NTN4: variants seen among roughly 807,000 people sequenced by gnomAD.
The protein encoded by NTN4 is netrin 4, also known as netrin-4.
A neutral mutation model predicts 73.6 loss-of-function variants in NTN4; 32 were observed. The ratio of observed to expected loss-of-function variants is 0.44; its 90% CI spans 0.33 to 0.58. NTN4 has a LOEUF of 0.58. Among genes scored for constraint, NTN4 ranks in the 20% least tolerant of loss-of-function variants. The pLI is 0.04. For missense variants in NTN4, 654 were observed against 798.3 expected, an observed-to-expected ratio of 0.82 and a Z score of 2.18; for synonymous variants, 258 against 287.5, an observed-to-expected ratio of 0.90 and a Z score of 1.04.
chr12:95,773,463 CT>C (rs2079071566), intron 2 of NTN4, among the ~76,000 whole-genome samples: 1 of 152,194 alleles, frequency 6.6e-6, no homozygotes, highest in East Asian at 1.9e-4. Context: ...CTGGGCACCT[CT>C]TTTTGAGGGC....
chr12:95,694,612 T>G (rs1237009945), intron 5 of NTN4, among the ~76,000 whole-genome samples: 1 of 152,192 alleles, frequency 6.6e-6, no homozygotes, highest in Admixed American at 6.5e-5. Context: ...TTTTTCTTTT[T>G]GGCACTGTTT....
At chr12:95,674,019 T>C (rs2078254386) in intron 7 of NTN4, 1 of 152,228 alleles carries the variant, frequency 6.6e-6, no homozygotes, top group South Asian at 2.1e-4. Context: ...TGTGGTAGTA[T>C]GTGCCTGTAG....
chr12:95,707,957 C>T (rs963105892), intron 5 of NTN4, among the ~76,000 whole-genome samples: 4 of 152,078 alleles, frequency 2.6e-5, no homozygotes, highest in Admixed American at 6.6e-5. Flanking sequence ...TGGTCTGAGG[C>T]TATGGGATAC....
At chr12:95,735,026 C>T (rs192869047) in intron 3 of NTN4, among the ~76,000 whole-genome samples, 2 of 152,132 alleles carry the variant, frequency 1.3e-5, no homozygotes, top group African/African-American at 4.8e-5. Context: ...GCAACAAGAG[C>T]GAAACTCCAT....
At chr12:95,768,070 T>G (rs1467847700) in intron 2 of NTN4, among the ~76,000 whole-genome samples, 1 of 152,208 alleles carries the variant, frequency 6.6e-6, no homozygotes, top group Admixed American at 6.5e-5. Context: ...TTGTTGTCAG[T>G]AACAATAACA....
intron 2 of NTN4, among the ~76,000 whole-genome samples, chr12:95,763,010 CA>C (rs2078999136): frequency 6.6e-6 from 1 of 152,008 alleles, no homozygotes; most frequent in African/African-American, 2.4e-5. Context: ...TAAATAATGA[CA>C]AAGCCATAAT....
intron 2 of NTN4, among the ~76,000 whole-genome samples, chr12:95,763,458 A>G (rs888942256): frequency 2.6e-5 from 4 of 152,242 alleles, no homozygotes; most frequent in African/African-American, 9.6e-5. Context: ...CCTTAGAGCT[A>G]TACAAAACAA....
intron 9 of NTN4, among the ~76,000 whole-genome samples, chr12:95,659,483 A>AGAT (rs2078119211): frequency 6.6e-6 from 1 of 152,146 alleles, no homozygotes; most frequent in South Asian, 2.1e-4. Context: ...TTTTTTGTCG[A>AGAT]GATGGGGTTT....
intron 5 of NTN4, among the ~76,000 whole-genome samples, chr12:95,690,609 A>C (rs552603003): frequency 4.9e-4 from 74 of 152,136 alleles, no homozygotes; most frequent in Non-Finnish European, 9.1e-4. Flanking sequence ...ATTAAGAAAT[A>C]ATTCATTTGG....
chr12:95,786,828 TC>T (rs1298560024), intron 2 of NTN4, 110 bp downstream of exon 2: 1 of 819,772 alleles, frequency 1.2e-6, no homozygotes, highest in South Asian at 1.8e-5. Context: ...CATGAAAAAT[TC>T]TAATTTCATT....
At chr12:95,707,324 CCTTT>C (rs1237402389) in intron 5 of NTN4, among the ~76,000 whole-genome samples, 1 of 152,152 alleles carries the variant, frequency 6.6e-6, no homozygotes, top group African/African-American at 2.4e-5. Flanking sequence ...CATGTTATTT[CCTTT>C]GTCACATCAG....
intron 5 of NTN4, among the ~76,000 whole-genome samples, chr12:95,696,553 G>A (rs1026793013): frequency 1.3e-5 from 2 of 152,126 alleles, no homozygotes; most frequent in East Asian, 3.8e-4. Context: ...GTCAATGCCT[G>A]ACCCATTTTA....
chr12:95,711,682 A>G (rs2078566074), intron 4 of NTN4, among the ~76,000 whole-genome samples: 1 of 152,232 alleles, frequency 6.6e-6, no homozygotes, highest in Non-Finnish European at 1.5e-5. Context: ...TATTTATTAT[A>G]TAACAATTCT....
At chr12:95,688,558 T>C (rs1218971297) in intron 5 of NTN4, among the ~76,000 whole-genome samples, 1 of 152,080 alleles carries the variant, frequency 6.6e-6, no homozygotes, top group Non-Finnish European at 1.5e-5. Flanking sequence ...CCTGGAAACA[T>C]TCTGACACTT....
intron 2 of NTN4, among the ~76,000 whole-genome samples, chr12:95,764,403 G>C (rs1014330528): frequency 2.0e-5 from 3 of 152,176 alleles, no homozygotes; most frequent in Non-Finnish European, 4.4e-5. Context: ...AGTGGCTCAC[G>C]CCTGTAATCC....
intron 3 of NTN4, among the ~76,000 whole-genome samples, chr12:95,733,334 G>A (rs796505209): frequency 6.6e-6 from 1 of 152,168 alleles, no homozygotes; most frequent in Admixed American, 6.5e-5. Context: ...AGTTTTCCTT[G>A]CCACAAAACC....
chr12:95,670,193 G>T (rs748175133), intron 7 of NTN4, 47 bp from the exon 8 acceptor site: 3 of 1,197,082 alleles, frequency 2.5e-6, no homozygotes, highest in Non-Finnish European at 3.6e-6. Flanking sequence ...GAAAAGCAAA[G>T]AAAGAAAAAA....
chr12:95,668,953 G>A (rs2078204727), intron 8 of NTN4, among the ~76,000 whole-genome samples: 1 of 152,216 alleles, frequency 6.6e-6, no homozygotes, highest in African/African-American at 2.4e-5. Context: ...GGATAACCCT[G>A]TCTCTACTAA....
intron 5 of NTN4, among the ~76,000 whole-genome samples, chr12:95,702,910 T>G (rs1592674829): frequency 1.4e-5 from 2 of 143,064 alleles, no homozygotes; most frequent in African/African-American, 5.2e-5. Flanking sequence ...CAGGCTGGAG[T>G]GCAATGGCGC....
Sources: gnomAD v4.1 joint callset for allele counts (sites outside exome capture counted in the v4.1 genomes callset) on GRCh38, gnomAD v4.1.1 for gene constraint, MANE v1.5 for transcripts, NCBI Gene and HGNC (gene_info 2026-07-23, HGNC 2026-07-21) for gene names.